CYP20A1: variants seen among roughly 807,000 people sequenced by gnomAD.
CYP20A1 encodes the protein cytochrome P450 20A1.
CYP20A1 carries 61 observed loss-of-function variants against 61.4 expected under a neutral mutation model. The ratio of observed to expected loss-of-function variants is 0.99; its 90% confidence interval spans 0.81 to 1.23. The LOEUF is 1.23. Ranked by LOEUF, CYP20A1 falls within the 50% of genes most tolerant of loss-of-function variation. CYP20A1 has a pLI of 0.00. For synonymous variants in CYP20A1, 193 were observed against 188.2 expected, an observed-to-expected ratio of 1.03 and a Z score of -0.21; for missense variants, 530 against 542.4, an observed-to-expected ratio of 0.98 and a Z score of 0.23.
intron 3 of CYP20A1, 59 bp downstream of exon 3, chr2:203,246,980 G>T: frequency 6.5e-7 from 1 of 1,543,552 alleles, no homozygotes; most frequent in Non-Finnish European, 8.9e-7. Context: ...GAATGTTTAG[G>T]CTGGGCACGG....
chr2:203,284,371 G>A (rs1161807237), intron 8 of CYP20A1, among the ~76,000 whole-genome samples: 3 of 152,072 alleles, frequency 2.0e-5, no homozygotes, highest in Non-Finnish European at 4.4e-5. Flanking sequence ...TAGTATATAT[G>A]TTCAGAAGTT....
At position 203,295,687 on chromosome 2, in the gene CYP20A1, C is replaced by G. The variant is rs953114944; in HGVS notation, c.1149-787C>G. Reference sequence around the variant, plus strand: ...AGTAGGCCGGGTGCCGTGGCTCATACCTATAATCCCAGCACTTTGGGAGGC... The same window carrying G: ...AGTAGGCCGGGTGCCGTGGCTCATAGCTATAATCCCAGCACTTTGGGAGGC... On this transcript the variant is annotated intron_variant, in intron 11 of 12. Coordinates refer to ENST00000356079, the MANE Select transcript of CYP20A1 (RefSeq NM_177538.3). Among the ~76,000 whole-genome samples the G allele has an allele frequency of 5.9e-5, 9 of 152,226 alleles. No individual in the cohort carries two copies. The East Asian group carries it at 1.7e-3, about 29-fold the overall frequency.
At chr2:203,286,142 G>A (rs890510095) in intron 9 of CYP20A1, among the ~76,000 whole-genome samples, 5 of 152,096 alleles carry the variant, frequency 3.3e-5, no homozygotes, top group Non-Finnish European at 2.9e-5. Flanking sequence ...GCAAAATATT[G>A]GCCAGATGTG....
intron 5 of CYP20A1, among the ~76,000 whole-genome samples, chr2:203,271,009 A>G (rs1009096173): frequency 6.0e-5 from 8 of 132,474 alleles, no homozygotes; most frequent in African/African-American, 2.0e-4. Flanking sequence ...TCATTTTTAC[A>G]GTAGTTTTAA....
At chr2:203,243,849 C>T (rs1406527745) in intron 1 of CYP20A1, among the ~76,000 whole-genome samples, 4 of 151,804 alleles carry the variant, frequency 2.6e-5, no homozygotes, top group Non-Finnish European at 4.4e-5. Context: ...CCACTGCACC[C>T]GGCGAATTTT....
At chr2:203,281,538 C>A (rs575977270) in intron 8 of CYP20A1, among the ~76,000 whole-genome samples, 189 of 151,742 alleles carry the variant, frequency 1.2e-3, no homozygotes, top group Middle Eastern at 3.4e-3. Flanking sequence ...CATGGTGACT[C>A]ATGCCTGTAA....
At chr2:203,251,817 A>ATATGTGTATATAT (rs34111991) in intron 3 of CYP20A1, 150 bp from the exon 4 acceptor site, 4 of 95,292 alleles carry the variant, frequency 4.2e-5, no homozygotes, top group Non-Finnish European at 8.9e-5. Context: ...ATATATATAT[A>ATATGTGTATATAT]AAAAATAAAA....
chr2:203,283,211 A>ATTTTTTTT (rs371972851), intron 8 of CYP20A1, among the ~76,000 whole-genome samples: 1 of 83,488 alleles, frequency 1.2e-5, no homozygotes, highest in Non-Finnish European at 2.1e-5. Flanking sequence ...CAATGTGAGA[A>ATTTTTTTT]TTTTTTTTTT....
chr2:203,251,150 T>C (rs189379946), intron 3 of CYP20A1, among the ~76,000 whole-genome samples: 2 of 148,978 alleles, frequency 1.3e-5, no homozygotes, highest in Non-Finnish European at 3.0e-5. Context: ...TTTTGCTGTC[T>C]TTTCTGTATT....
chr2:203,271,075 TATATATA>T lies in CYP20A1; in HGVS notation c.601-1594_601-1588del, dbSNP rs1369493600. 9.9e-3 allele frequency among the ~76,000 whole-genome samples: 745 copies of T among 75,352 alleles called. 31 individuals are homozygous for T. Among genetic ancestry groups the T allele is most frequent in the African/African-American group, 0.034 (712 of 20,834 alleles). The allele number at this position is 75,352 out of a possible 152,430, so 49.4% of individuals were successfully genotyped here. On this transcript the variant is annotated intron_variant, in intron 5 of 12. Coordinates refer to ENST00000356079, the MANE Select transcript of CYP20A1 (RefSeq NM_177538.3). The stretch of plus-strand genomic sequence containing the variant: ...ATGTGTATATATATATATATATATA[TATATATA>T]TTTTTTTTTTTTTTTTTTTTTTTGA...
intron 1 of CYP20A1, among the ~76,000 whole-genome samples, chr2:203,239,464 T>C (rs934519180): frequency 4.1e-4 from 62 of 152,172 alleles, no homozygotes; most frequent in African/African-American, 1.5e-3. Context: ...TCAAGTACTT[T>C]GGGCAGCTTT....
chr2:203,272,869 G>A, intron 6 of CYP20A1, 121 bp downstream of exon 6: 1 of 512,088 alleles, frequency 2.0e-6, no homozygotes. Context: ...TTTTTTTTGA[G>A]ACAGAGTCTC....
In CYP20A1 at chr2:203,257,996, G is replaced by A. The variant is rs989331552; in HGVS notation, c.432+5887G>A. On this transcript the variant is annotated intron_variant, in intron 4 of 12. Transcript: ENST00000356079. ...AGCTCACTGGAGCATCGAATTCCTG[G>A]GCTGAAGGGATCCTCCTGCCTCAGC... 2.0e-5 allele frequency among the ~76,000 whole-genome samples: 3 copies of A among 152,086 alleles called. No homozygotes were observed. In the South Asian group the frequency reaches 6.2e-4, roughly 31 times the overall value.
At chr2:203,292,390 T>C (rs979167846) in intron 11 of CYP20A1, 64 bp downstream of exon 11, 4 of 1,185,492 alleles carry the variant, frequency 3.4e-6, no homozygotes, top group Non-Finnish European at 5.0e-6. Flanking sequence ...TTTGCATTCC[T>C]TTCCTAACTG....
At position 203,301,888 on chromosome 2, in the gene CYP20A1, AT is replaced by A. The variant is rs2069036022; in HGVS notation, c.*4983del. Among the ~76,000 whole-genome samples, 1 of 141,526 alleles carries A rather than the reference AT, an allele frequency of 7.1e-6. No individual in the cohort carries two copies. The highest frequency in any genetic ancestry group is 2.3e-4 in the South Asian group (1 of 4,294). 92.8% of individuals were successfully genotyped at this position (141,526 alleles called of 152,430 possible). On this transcript the variant is annotated 3_prime_UTR_variant, in exon 13 of 13. Coordinates refer to ENST00000356079, the MANE Select transcript of CYP20A1 (RefSeq NM_177538.3). ...CTCAGTTAACAGTCATAGTTTCACTATTTGAAGTTAACCACTGTTAAGATTC... is the reference window on the plus strand; with the variant it reads ...CTCAGTTAACAGTCATAGTTTCACTATTGAAGTTAACCACTGTTAAGATTC...
At position 203,296,885 on chromosome 2, in the gene CYP20A1, A is replaced by T. The variant is rs1196123988; in HGVS notation, c.1366A>T (p.Ile456Phe). Residue 456 changes from isoleucine (I) to phenylalanine (F), a missense_variant, in exon 13 of 13, where the codon ATC becomes TTC. By Grantham distance (21) the Ile-to-Phe change is conservative. Coordinates refer to ENST00000356079, the MANE Select transcript of CYP20A1 (RefSeq NM_177538.3). The part of the protein sequence containing the change: ...LVTSSREEAW[I>F]TVSKRY Reference sequence around the variant, plus strand: ...AACATCATCAAGGGAAGAAGCTTGGATCACTGTCTCAAAGAGATATTAAAA... The same window carrying T: ...AACATCATCAAGGGAAGAAGCTTGGTTCACTGTCTCAAAGAGATATTAAAA... 1 of 1,596,040 alleles carries T rather than the reference A, an allele frequency of 6.3e-7. No individual in the cohort carries two copies. The highest frequency in any genetic ancestry group is 1.8e-5 in the Admixed American group (1 of 55,794).
At position 203,272,692 on chromosome 2, in the gene CYP20A1, G is replaced by C. The variant is rs200422506; in HGVS notation, c.623G>C (p.Gly208Ala). The C allele has an allele frequency of 2.6e-5, 41 of 1,606,978 alleles. No homozygotes were observed. Among genetic ancestry groups the C allele is most frequent in the East Asian group, 6.7e-5 (3 of 44,676 alleles). Residue 208 changes from glycine to alanine, a missense_variant, in exon 6 of 13, where the codon GGC (glycine) becomes GCC (alanine). Physicochemically the swap from Gly to Ala is moderately conservative, Grantham distance 60. Coordinates refer to ENST00000356079, the MANE Select transcript of CYP20A1 (RefSeq NM_177538.3). ...CAGGTTTGGTCTGAGATTGGAAAAGGCTTTCTAGATGGGTCACTTGATAAA... is the reference window on the plus strand; with the variant it reads ...CAGGTTTGGTCTGAGATTGGAAAAGCCTTTCTAGATGGGTCACTTGATAAA... ...HGTVWSEIGK[G>A]FLDGSLDKNM...
intron 9 of CYP20A1, among the ~76,000 whole-genome samples, chr2:203,288,297 C>T (rs1474590557): frequency 6.6e-6 from 1 of 151,232 alleles, no homozygotes; most frequent in Non-Finnish European, 1.5e-5. Context: ...AACTCCTGGC[C>T]TCAAGTGATC....
chr2:203,272,971 C>T (rs1473740807), intron 6 of CYP20A1, among the ~76,000 whole-genome samples: 3 of 151,930 alleles, frequency 2.0e-5, no homozygotes, highest in South Asian at 2.1e-4. Context: ...CTCAGCCTCC[C>T]GAGTAGCTGG....
Sources: gnomAD v4.1 joint callset for allele counts (sites outside exome capture counted in the v4.1 genomes callset) on GRCh38, gnomAD v4.1.1 for gene constraint, MANE v1.5 for transcripts, NCBI Gene and HGNC (gene_info 2026-07-23, HGNC 2026-07-21) for gene names.